SNX29: variants seen among roughly 807,000 people sequenced by gnomAD.
The protein encoded by SNX29 is sorting nexin 29.
A neutral mutation model predicts 102.1 loss-of-function variants in SNX29; 78 were observed. That is an observed-to-expected ratio of 0.76 (90% CI 0.64 to 0.92). The LOEUF is 0.92. Ranked by LOEUF, SNX29 falls within the 40% of genes least tolerant of loss-of-function variation. The pLI is 0.00. For synonymous variants in SNX29, 580 were observed against 414.5 expected, an observed-to-expected ratio of 1.40 and a Z score of -4.85; for missense variants, 1,280 against 1,061.7, an observed-to-expected ratio of 1.21 and a Z score of -2.86.
At chr16:12,548,284 G>C (rs1252506782) in intron 20 of SNX29, among the ~76,000 whole-genome samples, 1 of 152,274 alleles carries the variant, frequency 6.6e-6, no homozygotes, top group East Asian at 1.9e-4. Context: ...GACTGGGAAG[G>C]CTGGAAGCTA....
intron 15 of SNX29, among the ~76,000 whole-genome samples, chr16:12,281,430 T>G (rs900404203): frequency 6.6e-6 from 1 of 152,192 alleles, no homozygotes; most frequent in Non-Finnish European, 1.5e-5. Context: ...CATAAAGCCC[T>G]CTTTAAATGG....
intron 20 of SNX29, among the ~76,000 whole-genome samples, chr16:12,547,113 G>C (rs1019242452): frequency 6.6e-6 from 1 of 152,196 alleles, no homozygotes; most frequent in East Asian, 1.9e-4. Flanking sequence ...TGAAAAGACA[G>C]GAAATGACAT....
At position 12,465,346 on chromosome 16, in the gene SNX29, A is replaced by G. The variant is rs144390172; in HGVS notation, c.2038-12373A>G. 8.5e-5 allele frequency among the ~76,000 whole-genome samples: 13 copies of G among 152,342 alleles called. No individual in the cohort carries two copies. The East Asian group carries it at 2.5e-3, about 29-fold the overall frequency. ...ATGTCTTCTTCTAGGAGTTTTACAG[A>G]TCTTACACTTAAGTCTTTAATCTAT... On this transcript the variant is annotated intron_variant, in intron 18 of 20. Coordinates refer to ENST00000566228, the MANE Select transcript of SNX29 (RefSeq NM_032167.5).
intron 15 of SNX29, among the ~76,000 whole-genome samples, chr16:12,341,112 CTATTAT>C (rs1419814218): frequency 1.3e-5 from 2 of 152,178 alleles, no homozygotes; most frequent in South Asian, 4.2e-4. Flanking sequence ...CCTATGGTTA[CTATTAT>C]TATTGGAGCC....
intron 15 of SNX29, among the ~76,000 whole-genome samples, chr16:12,331,010 C>T (rs1473295654): frequency 6.6e-6 from 1 of 152,358 alleles, no homozygotes; most frequent in African/African-American, 2.4e-5. Context: ...TTCAGTTTCT[C>T]ATCTTCTTTG....
At position 12,023,577 on chromosome 16, in the gene SNX29, C is replaced by CAA. The variant is rs542942692; in HGVS notation, c.123-3732_123-3731dup. ...TGGGTAACAGAGCAAGACCCTGTCTCAAAAAAAAAAAAGAAAAGAAAAGAA... is the reference window on the plus strand; with the variant it reads ...TGGGTAACAGAGCAAGACCCTGTCTCAAAAAAAAAAAAAAGAAAAGAAAAGAA... On this transcript the variant is annotated intron_variant, in intron 3 of 20. Transcript: ENST00000566228. 8.8e-3 allele frequency among the ~76,000 whole-genome samples: 1,183 copies of CAA among 135,138 alleles called. 13 individuals carry two copies. Among genetic ancestry groups the CAA allele is most frequent in the African/African-American group, 0.032 (1,120 of 35,538 alleles). 88.7% of individuals were successfully genotyped at this position (135,138 alleles called of 152,430 possible). A position where few individuals can be genotyped will look rare whatever the true frequency, so the allele number is the denominator to read the frequency against.
intron 19 of SNX29, among the ~76,000 whole-genome samples, chr16:12,479,409 A>C (rs1224402784): frequency 6.6e-6 from 1 of 152,176 alleles, no homozygotes; most frequent in Non-Finnish European, 1.5e-5. Flanking sequence ...CCTTACATTT[A>C]CATGTGTGTA....
chr16:12,244,949 C>T (rs1367836011), intron 14 of SNX29, among the ~76,000 whole-genome samples: 3 of 152,136 alleles, frequency 2.0e-5, no homozygotes, highest in Non-Finnish European at 4.4e-5. Context: ...AATTTATTAG[C>T]AGATCTAATT....
At chr16:12,198,099 G>A (rs2076823052) in intron 13 of SNX29, among the ~76,000 whole-genome samples, 1 of 152,158 alleles carries the variant, frequency 6.6e-6, no homozygotes, top group Admixed American at 6.5e-5. Flanking sequence ...ACCAGTCTCA[G>A]AAACATTTAT....
At chr16:12,388,697 A>G (rs1210869838) in intron 16 of SNX29, among the ~76,000 whole-genome samples, 1 of 152,170 alleles carries the variant, frequency 6.6e-6, no homozygotes, top group Non-Finnish European at 1.5e-5. Flanking sequence ...GTTTACAAAA[A>G]CGGGCTGGAT....
chr16:12,127,691 A>G (rs546121846), intron 12 of SNX29, among the ~76,000 whole-genome samples: 1 of 152,118 alleles, frequency 6.6e-6, no homozygotes, highest in African/African-American at 2.4e-5. Context: ...CAAAGTGCTA[A>G]GATTATAGAC....
At chr16:12,455,335 A>C (rs767154276) in intron 18 of SNX29, among the ~76,000 whole-genome samples, 1 of 152,100 alleles carries the variant, frequency 6.6e-6, no homozygotes, top group Non-Finnish European at 1.5e-5. Context: ...TACCCCATCA[A>C]GGACTTTTTT....
chr16:11,995,319 G>GC (rs1310498695), intron 1 of SNX29, among the ~76,000 whole-genome samples: 1 of 152,098 alleles, frequency 6.6e-6, no homozygotes, highest in Admixed American at 6.6e-5. Context: ...GTCCGCTTTG[G>GC]CCCCCCAAAG....
chr16:11,986,043 G>A (rs1254187218), intron 1 of SNX29, among the ~76,000 whole-genome samples: 1 of 151,982 alleles, frequency 6.6e-6, no homozygotes, highest in Non-Finnish European at 1.5e-5. Flanking sequence ...GACCTCAGGT[G>A]ATTCACTGAC....
chr16:12,005,560 G>A (rs1328104587), intron 3 of SNX29, among the ~76,000 whole-genome samples: 1 of 152,082 alleles, frequency 6.6e-6, no homozygotes, highest in Non-Finnish European at 1.5e-5. Flanking sequence ...GTGTGTATGG[G>A]TGTGTGTGCC....
At position 12,555,750 on chromosome 16, in the gene SNX29, C is replaced by T. The variant is rs74010789; in HGVS notation, c.2319-12756C>T. 9.7e-3 allele frequency among the ~76,000 whole-genome samples: 1,472 copies of T among 152,090 alleles called. 15 individuals carry two copies. Among genetic ancestry groups the T allele is most frequent in the African/African-American group, 0.034 (1,400 of 41,378 alleles). Reference sequence around the variant, plus strand: ...CACTTTTCCTTCCACCTCCCCACAACTCCAACTAGCCTTCAGGCTGCTCAG... The same window carrying T: ...CACTTTTCCTTCCACCTCCCCACAATTCCAACTAGCCTTCAGGCTGCTCAG... On this transcript the variant is annotated intron_variant, in intron 20 of 20. Transcript: ENST00000566228.
intron 15 of SNX29, among the ~76,000 whole-genome samples, chr16:12,325,248 A>G (rs1273545124): frequency 6.6e-6 from 1 of 152,224 alleles, no homozygotes; most frequent in Non-Finnish European, 1.5e-5. Flanking sequence ...AAGAAAGAGC[A>G]GAAATGTTGG....
intron 19 of SNX29, among the ~76,000 whole-genome samples, chr16:12,478,968 G>T (rs1189289932): frequency 6.6e-6 from 1 of 152,184 alleles, no homozygotes; most frequent in Non-Finnish European, 1.5e-5. Flanking sequence ...AGTCTGATTG[G>T]AAGGTAGAGC....
intron 3 of SNX29, among the ~76,000 whole-genome samples, chr16:12,023,749 G>A (rs1298712609): frequency 1.3e-5 from 2 of 152,172 alleles, no homozygotes; most frequent in Admixed American, 6.5e-5. Flanking sequence ...GTGACCTCGT[G>A]TATGACATAG....
Sources: gnomAD v4.1 joint callset for allele counts (sites outside exome capture counted in the v4.1 genomes callset) on GRCh38, gnomAD v4.1.1 for gene constraint, MANE v1.5 for transcripts, NCBI Gene and HGNC (gene_info 2026-07-23, HGNC 2026-07-21) for gene names.